The following SLC16A12 variants were observed in gnomAD, a reference collection of about 807,000 sequenced individuals.
The protein encoded by SLC16A12 is solute carrier family 16 member 12.
Under a neutral mutation model 42.4 loss-of-function variants are expected in SLC16A12, and 17 were observed. The ratio of observed to expected loss-of-function variants is 0.40; its 90% CI spans 0.27 to 0.60. The LOEUF is 0.60. Among genes scored for constraint, SLC16A12 ranks in the 20% least tolerant of loss-of-function variants. The pLI, the probability that SLC16A12 is intolerant of heterozygous loss-of-function variation, is 0.42. For synonymous variants in SLC16A12, 224 were observed against 229.4 expected, an observed-to-expected ratio of 0.98 and a Z score of 0.21; for missense variants, 544 against 623.0, an observed-to-expected ratio of 0.87 and a Z score of 1.35.
chr10:89,441,290 T>A (rs182883699), intron 4 of SLC16A12, 39 bp from the exon 5 acceptor site: 70 of 1,612,836 alleles, frequency 4.3e-5, no homozygotes, highest in Non-Finnish European at 5.4e-5. Flanking sequence ...CAGAAAGGCC[T>A]TGAGGGCACT....
intron 2 of SLC16A12, among the ~76,000 whole-genome samples, chr10:89,528,702 T>G (rs17479692): frequency 0.093 from 14,118 of 152,226 alleles, 790 homozygotes; most frequent in Non-Finnish European, 0.13. Context: ...GGCACAAAAT[T>G]ATTATTACAT....
chr10:89,529,479 G>C (rs1182947897), intron 2 of SLC16A12, among the ~76,000 whole-genome samples: 1 of 151,754 alleles, frequency 6.6e-6, no homozygotes, highest in African/African-American at 2.4e-5. Context: ...GACGGTGTTA[G>C]GGGGAAACAG....
chr10:89,488,734 T>C (rs1842802466), intron 2 of SLC16A12, among the ~76,000 whole-genome samples: 1 of 152,184 alleles, frequency 6.6e-6, no homozygotes, highest in Non-Finnish European at 1.5e-5. Flanking sequence ...GACCAACCCC[T>C]AACCTTGTAA....
At chr10:89,479,837 T>C (rs1346249092) in intron 2 of SLC16A12, among the ~76,000 whole-genome samples, 1 of 152,230 alleles carries the variant, frequency 6.6e-6, no homozygotes, top group Non-Finnish European at 1.5e-5. Context: ...ATGATTTATA[T>C]ATCACGATAG....
chr10:89,531,711 G>T (rs10509575), intron 2 of SLC16A12, among the ~76,000 whole-genome samples: 34,301 of 152,024 alleles, frequency 0.23, 4,192 homozygotes, highest in East Asian at 0.33. Flanking sequence ...GCCTCAACTG[G>T]TTCCCAAGAG....
At chr10:89,444,983 G>A (rs755312143) in intron 3 of SLC16A12, among the ~76,000 whole-genome samples, 18 of 152,256 alleles carry the variant, frequency 1.2e-4, no homozygotes, top group Non-Finnish European at 2.6e-4. Flanking sequence ...CGCCCATGGA[G>A]CCTTGCTCAC....
chr10:89,445,220 A>G (rs930781522), intron 3 of SLC16A12, among the ~76,000 whole-genome samples: 4 of 152,246 alleles, frequency 2.6e-5, no homozygotes, highest in Non-Finnish European at 5.9e-5. Flanking sequence ...AGCTCTGAAG[A>G]GAGCAGTGGT....
At chr10:89,441,076 G>A (rs1321498071) in intron 5 of SLC16A12, 32 bp downstream of exon 5, 1 of 1,612,788 alleles carries the variant, frequency 6.2e-7, no homozygotes, top group Admixed American at 1.7e-5. Context: ...TGAATGGAGT[G>A]GGGTGAGACA....
At chr10:89,533,519 T>C (rs1438919766) in intron 2 of SLC16A12, among the ~76,000 whole-genome samples, 1 of 152,190 alleles carries the variant, frequency 6.6e-6, no homozygotes, top group African/African-American at 2.4e-5. Context: ...GTCATAGTAT[T>C]AATCACAATA....
intron 3 of SLC16A12, among the ~76,000 whole-genome samples, chr10:89,450,829 G>C (rs904377802): frequency 1.3e-5 from 2 of 152,058 alleles, no homozygotes; most frequent in African/African-American, 4.8e-5. Context: ...GGTGAGATTA[G>C]AAATAATTAT....
At chr10:89,479,239 G>T (rs147610062) in intron 2 of SLC16A12, among the ~76,000 whole-genome samples, 1 of 151,976 alleles carries the variant, frequency 6.6e-6, no homozygotes, top group Non-Finnish European at 1.5e-5. Context: ...ACTTTTCGCT[G>T]TAAGAGGGGT....
chr10:89,454,643 C>A (rs536082809), intron 3 of SLC16A12, among the ~76,000 whole-genome samples: 190 of 151,822 alleles, frequency 1.3e-3, no homozygotes, highest in African/African-American at 4.1e-3. Context: ...TATCTTTGAG[C>A]CTTCACTTTT....
intron 2 of SLC16A12, among the ~76,000 whole-genome samples, chr10:89,548,444 G>A (rs984903225): frequency 6.6e-6 from 1 of 152,160 alleles, no homozygotes; most frequent in Non-Finnish European, 1.5e-5. Flanking sequence ...TGCAAAAGAG[G>A]TTGGATGAAG....
chr10:89,506,259 A>AC (rs1843060065), intron 2 of SLC16A12, among the ~76,000 whole-genome samples: 1 of 152,058 alleles, frequency 6.6e-6, no homozygotes, highest in East Asian at 1.9e-4. Context: ...TGGGTCCCTG[A>AC]CCCCATGTAG....
At chr10:89,495,218 G>T (rs961592552) in intron 2 of SLC16A12, among the ~76,000 whole-genome samples, 6 of 152,102 alleles carry the variant, frequency 3.9e-5, no homozygotes, top group Admixed American at 2.0e-4. Flanking sequence ...CCTGGTAGTG[G>T]TGGTGTGCGC....
intron 3 of SLC16A12, among the ~76,000 whole-genome samples, chr10:89,453,562 T>C (rs1447034586): frequency 6.6e-6 from 1 of 152,252 alleles, no homozygotes; most frequent in Admixed American, 6.5e-5. Context: ...GTATTCAGTA[T>C]ACAGTAACAT....
At chr10:89,547,625 T>A (rs978533308) in intron 2 of SLC16A12, among the ~76,000 whole-genome samples, 3 of 152,174 alleles carry the variant, frequency 2.0e-5, no homozygotes, top group African/African-American at 7.2e-5. Context: ...AGAAAAGGTA[T>A]GTGATCATTT....
chr10:89,443,879 C>CATTGT lies in SLC16A12; in HGVS notation c.201-21_201-20insACAAT. ...ATACATCTGAAAAATACAATGCAGG[C>CATTGT]ATTTTATACAAAAAATGAATGAGCA... On this transcript the variant is annotated intron_variant, in intron 3 of 7. Coordinates refer to ENST00000371790, the MANE Select transcript of SLC16A12 (RefSeq NM_213606.4). 6.8e-7 allele frequency: 1 copy of CATTGT among 1,478,706 alleles called. No individual in the cohort carries two copies. The highest frequency in any genetic ancestry group is 9.5e-7 in the Non-Finnish European group (1 of 1,057,198). 91.6% of individuals were successfully genotyped at this position (1,478,706 alleles called of 1,614,324 possible). A position where few individuals can be genotyped will look rare whatever the true frequency, so the allele number is the denominator to read the frequency against.
intron 4 of SLC16A12, 35 bp from the exon 5 acceptor site, chr10:89,441,286 G>T (rs1589661750): frequency 6.2e-7 from 1 of 1,613,008 alleles, no homozygotes; most frequent in South Asian, 1.1e-5. Context: ...TCAACAGAAA[G>T]GCCTTGAGGG....
Sources: gnomAD v4.1 joint callset for allele counts (sites outside exome capture counted in the v4.1 genomes callset) on GRCh38, gnomAD v4.1.1 for gene constraint, MANE v1.5 for transcripts, NCBI Gene and HGNC (gene_info 2026-07-23, HGNC 2026-07-21) for gene names.